The following COL6A1 variants were observed in gnomAD, a reference collection of about 807,000 sequenced individuals.
COL6A1 encodes the protein collagen type VI alpha 1 chain.
COL6A1 carries 80 observed loss-of-function variants against 145.6 expected under a neutral mutation model. The observed-to-expected ratio is 0.55, with a 90% CI of 0.46 to 0.66. The LOEUF is 0.66. Among genes scored for constraint, COL6A1 ranks in the 30% least tolerant of loss-of-function variants. COL6A1 has a pLI of 0.00. For synonymous variants in COL6A1, 638 were observed against 622.8 expected (o/e 1.02, Z -0.36); for missense variants, 1,364 against 1,473.8 (o/e 0.93, Z 1.22).
chr21:45,992,389 C>A lies in COL6A1; in HGVS notation c.1263C>A (p.Pro421=). The A allele has an allele frequency of 6.2e-7, 1 of 1,613,268 alleles. No individual in the cohort carries two copies. Among genetic ancestry groups the A allele is most frequent in the South Asian group, 1.1e-5 (1 of 91,024 alleles). Residue 421 remains proline, a synonymous_variant, in exon 18 of 35, where the codon CCC becomes CCA. Coordinates refer to ENST00000361866, the MANE Select transcript of COL6A1 (RefSeq NM_001848.3). ...DEGNPGPDGA[P]GERGGPGERG... ...GGAACCCAGGACCTGACGGTGCCCC[C>A]GGGGAGCGGGTGAGTGGGGCAGGGG...
Position 46,000,347 on chromosome 21 carries a change from A to C in COL6A1, c.1793A>C (p.Asp598Ala). 1 of 1,613,886 alleles carries C rather than the reference A, an allele frequency of 6.2e-7. No homozygotes were observed. The highest frequency in any genetic ancestry group is 8.5e-7 in the Non-Finnish European group (1 of 1,179,886). ...PPGPDECEILDIIMKMCSCCE... is the reference protein window; with the variant it reads ...PPGPDECEILAIIMKMCSCCE... ...CCTCCCCAGGAATGCGAGATTTTGG[A>C]CATCATCATGAAAATGTGCTGTGAG... Residue 598 changes from aspartate to alanine, a missense_variant, in exon 28 of 35, where the codon GAC becomes GCC. By Grantham distance (126) the Asp-to-Ala change is moderately radical. This residue lies in a region of COL6A1 where 938 missense variants were observed against 1,003.8 expected (regional missense o/e 0.93). Transcript: ENST00000361866.
At chr21:45,985,624 G>C (rs2077735166) in intron 3 of COL6A1, among the ~76,000 whole-genome samples, 2 of 152,260 alleles carry the variant, frequency 1.3e-5, no homozygotes, top group South Asian at 4.1e-4. Flanking sequence ...GCCCCGGAGT[G>C]TCCAGAGGGG....
chr21:45,982,775 GC>G lies in COL6A1; in HGVS notation c.227+16del. ...AACCTGAGGGACAGGTAGGAGGGACGCCCCGTGACCTTCCTCCTGTGCTTCT... is the reference window on the plus strand; with the variant it reads ...AACCTGAGGGACAGGTAGGAGGGACGCCCGTGACCTTCCTCCTGTGCTTCT... On this transcript the variant is annotated intron_variant, in intron 2 of 34. Transcript: ENST00000361866. 2 of 1,611,250 alleles carry G rather than the reference GC, an allele frequency of 1.2e-6. No homozygotes were observed. The highest frequency in any genetic ancestry group is 1.1e-5 in the South Asian group (1 of 91,082).
chr21:45,988,859 G>C (rs2077758000), intron 8 of COL6A1, among the ~76,000 whole-genome samples: 1 of 152,126 alleles, frequency 6.6e-6, no homozygotes, highest in African/African-American at 2.4e-5. Flanking sequence ...CCTGTGCCTG[G>C]GGGTCAGCAA....
rs202074876 is a variant in COL6A1, at chr21:46,003,160, C to T, written c.2464+11C>T. 3.2e-4 allele frequency: 513 copies of T among 1,613,868 alleles called. 1 individual carries two copies. Among genetic ancestry groups the T allele is most frequent in the Non-Finnish European group, 3.9e-4 (463 of 1,179,966 alleles). On this transcript the variant is annotated intron_variant, in intron 34 of 34. Coordinates refer to ENST00000361866, the MANE Select transcript of COL6A1 (RefSeq NM_001848.3). ...ATTACACCTGCCCCAGTGAGTACCT[C>T]GGCGGCCGGGACACGTGGGGAGGAG...
chr21:46,003,143 T>A lies in COL6A1; in HGVS notation c.2458T>A (p.Cys820Ser). 6.2e-7 allele frequency: 1 copy of A among 1,614,036 alleles called. No homozygotes were observed. Among genetic ancestry groups the A allele is most frequent in the East Asian group, 2.2e-5 (1 of 44,876 alleles). Residue 820 changes from cysteine to serine, a missense_variant, in exon 34 of 35, where the codon TGC becomes AGC. Transcript: ENST00000361866. ...AGACAAGAAGTGTCCAGATTACACC[T>A]GCCCCAGTGAGTACCTCGGCGGCCG... is the stretch of plus-strand genomic sequence containing the variant. ...CIDKKCPDYT[C>S]PITFSSPADI...
At chr21:46,003,030 CT>C in intron 33 of COL6A1, 89 bp from the exon 34 acceptor site, 1 of 1,589,340 alleles carries the variant, frequency 6.3e-7, no homozygotes, top group Non-Finnish European at 8.6e-7. Flanking sequence ...ACGGCCACCC[CT>C]GTGCTCGGCC....
At chr21:45,998,295 C>T (rs1349510899) in intron 23 of COL6A1, 103 bp from the exon 24 acceptor site, 3 of 1,588,220 alleles carry the variant, frequency 1.9e-6, no homozygotes, top group South Asian at 2.2e-5. Context: ...CCAGGAATTC[C>T]ATGGCCGGGA....
chr21:45,986,443 ACC>A, intron 3 of COL6A1, 81 bp from the exon 4 acceptor site: 1 of 1,411,850 alleles, frequency 7.1e-7, no homozygotes, highest in Non-Finnish European at 9.8e-7. Flanking sequence ...TGAGACAGGG[ACC>A]AGCACCTCCC....
Position 45,990,960 on chromosome 21 carries a change from G to A in COL6A1, c.1057-19G>A, listed in dbSNP as rs765004645. ...CGGTGGCCTCTGCCGGTGGTGTCAT[G>A]CTGCCCTCTTTTCTCCAGGGCATTC... is the stretch of plus-strand genomic sequence containing the variant. On this transcript the variant is annotated intron_variant, in intron 14 of 34. Transcript: ENST00000361866. 6.2e-7 allele frequency: 1 copy of A among 1,613,354 alleles called. No homozygotes were observed. Among genetic ancestry groups the A allele is most frequent in the East Asian group, 2.2e-5 (1 of 44,870 alleles).
intron 6 of COL6A1, 84 bp from the exon 7 acceptor site, chr21:45,987,415 G>A (rs1458404455): frequency 1.9e-6 from 3 of 1,590,682 alleles, no homozygotes; most frequent in Non-Finnish European, 2.6e-6. Context: ...GTCTGCCCAT[G>A]TGCCTGGGTC....
At chr21:45,988,596 C>T (rs935721399) in intron 8 of COL6A1, among the ~76,000 whole-genome samples, 18 of 152,258 alleles carry the variant, frequency 1.2e-4, no homozygotes, top group African/African-American at 4.1e-4. Context: ...GCACTCTGTT[C>T]AGAAGGACCT....
At position 45,992,379 on chromosome 21, in the gene COL6A1, A is replaced by G; in HGVS notation, c.1253A>G (p.Asp418Gly). 5 of 1,613,482 alleles carry G rather than the reference A, an allele frequency of 3.1e-6. No individual in the cohort carries two copies. The highest frequency in any genetic ancestry group is 4.2e-6 in the Non-Finnish European group (5 of 1,179,970). ...TCATCCCAGGGGAACCCAGGACCTGACGGTGCCCCCGGGGAGCGGGTGAGT... is the reference window on the plus strand; with the variant it reads ...TCATCCCAGGGGAACCCAGGACCTGGCGGTGCCCCCGGGGAGCGGGTGAGT... ...EAGDEGNPGP[D>G]GAPGERGGPG... The change falls in exon 18 of 35, where the codon GAC becomes GGC. Residue 418 changes from aspartate to glycine, a missense_variant. Asp to Gly is a moderately conservative substitution (Grantham distance 94). Coordinates refer to ENST00000361866, the MANE Select transcript of COL6A1 (RefSeq NM_001848.3).
intron 19 of COL6A1, 70 bp downstream of exon 19, chr21:45,992,880 C>T: frequency 7.2e-7 from 1 of 1,379,366 alleles, no homozygotes; most frequent in East Asian, 2.5e-5. Flanking sequence ...CTGGGTCAGG[C>T]CTCCAGAGCC....
chr21:45,987,305 CTGCCCGTG>C, intron 6 of COL6A1, 130 bp downstream of exon 6: 2 of 1,518,270 alleles, frequency 1.3e-6, no homozygotes, highest in Non-Finnish European at 1.8e-6. Context: ...CCCTGCGTGT[CTGCCCGTG>C]TGCCCGGGAT....
intron 25 of COL6A1, 69 bp from the exon 26 acceptor site, chr21:45,999,082 CTG>C: frequency 1.3e-6 from 2 of 1,545,152 alleles, no homozygotes; most frequent in Non-Finnish European, 1.8e-6. Context: ...GCTGGATGCT[CTG>C]TGGACGGGGC....
chr21:46,001,863 C>CTCAGACACTCAGAGGGACACCA, intron 30 of COL6A1, 98 bp from the exon 31 acceptor site: 1 of 1,060,222 alleles, frequency 9.4e-7, no homozygotes, highest in Non-Finnish European at 1.4e-6. Context: ...GGGGGCCATG[C>CTCAGACACTCAGAGGGACACCA]CACCCTCTGG....
rs750292331 is a variant in COL6A1, at chr21:45,999,204, C to T, written c.1726C>T (p.Pro576Ser). The T allele has an allele frequency of 2.5e-6, 4 of 1,599,708 alleles. No homozygotes were observed. Among genetic ancestry groups the T allele is most frequent in the Non-Finnish European group, 3.4e-6 (4 of 1,174,338 alleles). Residue 576 changes from proline to serine, a missense_variant, in exon 26 of 35, where the codon CCC becomes TCC. Coordinates refer to ENST00000361866, the MANE Select transcript of COL6A1 (RefSeq NM_001848.3). ...GVKGAKGYRGPEGPQGPPGHQ... is the reference protein window; with the variant it reads ...GVKGAKGYRGSEGPQGPPGHQ... ...CAAAGGAGCAAAGGGGTACCGGGGT[C>T]CCGAGGGCCCCCAGGTGGGTGGATG...
rs1034548698 is a variant in COL6A1 at position 46,001,123 on chromosome 21, G to A, written c.1823-130G>A. On this transcript the variant is annotated intron_variant, in intron 29 of 34. Transcript: ENST00000361866. ...ATGGGAGGGGGTGGGCTTTTCTGGGGCTGAGACGGGGGGACCCCAACGTGT... is the reference window on the plus strand; with the variant it reads ...ATGGGAGGGGGTGGGCTTTTCTGGGACTGAGACGGGGGGACCCCAACGTGT... The A allele has an allele frequency of 1.8e-5, 24 of 1,317,154 alleles. No individual in the cohort carries two copies. In the East Asian group the frequency reaches 5.4e-4, roughly 30 times the overall value. The allele number at this position is 1,317,154 out of a possible 1,614,324, so 81.6% of individuals were successfully genotyped here.
Sources: gnomAD v4.1 joint callset for allele counts (sites outside exome capture counted in the v4.1 genomes callset) on GRCh38, gnomAD v4.1.1 for gene constraint, gnomAD v4.1.1 regional missense constraint, MANE v1.5 for transcripts, NCBI Gene and HGNC (gene_info 2026-07-23, HGNC 2026-07-21) for gene names.